The following NEGR1 variants were observed in gnomAD, a reference collection of about 807,000 sequenced individuals.
NEGR1 encodes the protein IgLON family member 4.
Under a neutral mutation model 40.9 loss-of-function variants are expected in NEGR1, and 10 were observed. The observed-to-expected ratio is 0.24, with a 90% CI of 0.15 to 0.42. NEGR1 has a LOEUF of 0.42. Among genes scored for constraint, NEGR1 ranks in the 10% least tolerant of loss-of-function variants. The probability of loss-of-function intolerance (pLI) is 1.00; values close to 1 mark genes in which losing one functional copy is unlikely to be tolerated. For missense variants in NEGR1, 352 were observed against 438.9 expected (o/e 0.80, Z 1.77); for synonymous variants, 185 against 166.8 (o/e 1.11, Z -0.84).
At chr1:71,817,020 C>A (rs541921003) in intron 2 of NEGR1, among the ~76,000 whole-genome samples, 1 of 151,922 alleles carries the variant, frequency 6.6e-6, no homozygotes, top group Non-Finnish European at 1.5e-5. Flanking sequence ...CTTTATTTGC[C>A]TCCACAGCAA....
intron 3 of NEGR1, among the ~76,000 whole-genome samples, chr1:71,710,974 T>C (rs1654061447): frequency 1.3e-5 from 2 of 152,058 alleles, no homozygotes; most frequent in African/African-American, 2.4e-5. Context: ...TGCATGTCTG[T>C]ATCAAAATAT....
chr1:71,834,086 G>A (rs1017357660), intron 2 of NEGR1, among the ~76,000 whole-genome samples: 1 of 152,088 alleles, frequency 6.6e-6, no homozygotes, highest in Non-Finnish European at 1.5e-5. Flanking sequence ...TTTTCACAAT[G>A]TTAACCAAAT....
chr1:71,942,493 T>A (rs1456513911), intron 1 of NEGR1, among the ~76,000 whole-genome samples: 235 of 22,680 alleles, frequency 0.01, no homozygotes, highest in African/African-American at 0.017. Context: ...ATTTTTTTTT[T>A]TTTTTTTTTT....
At chr1:72,027,004 C>A (rs963412322) in intron 1 of NEGR1, among the ~76,000 whole-genome samples, 3 of 152,094 alleles carry the variant, frequency 2.0e-5, no homozygotes, top group South Asian at 4.1e-4. Flanking sequence ...GGGCTCACTG[C>A]AAGCTCCACC....
chr1:72,019,828 T>A (rs915592992), intron 1 of NEGR1, among the ~76,000 whole-genome samples: 2 of 152,210 alleles, frequency 1.3e-5, no homozygotes, highest in South Asian at 4.1e-4. Flanking sequence ...TACTTCCTTT[T>A]TAAAGGCATT....
intron 2 of NEGR1, among the ~76,000 whole-genome samples, chr1:71,796,865 C>T (rs1404389378): frequency 1.3e-5 from 2 of 152,052 alleles, no homozygotes; most frequent in African/African-American, 4.8e-5. Flanking sequence ...GGAAGTTGGC[C>T]TGGAGTGCTC....
intron 1 of NEGR1, among the ~76,000 whole-genome samples, chr1:72,041,505 T>C (rs1646953941): frequency 6.6e-6 from 1 of 150,610 alleles, no homozygotes; most frequent in South Asian, 2.1e-4. Flanking sequence ...ATTGTTTGTG[T>C]ACTCAAGGAC....
intron 2 of NEGR1, among the ~76,000 whole-genome samples, chr1:71,824,864 C>T (rs1189327568): frequency 4.6e-5 from 7 of 151,918 alleles, no homozygotes; most frequent in Non-Finnish European, 1.0e-4. Context: ...TATAATAGTC[C>T]AATACCTGAA....
At chr1:71,498,233 A>C (rs529255630) in intron 6 of NEGR1, among the ~76,000 whole-genome samples, 75 of 151,726 alleles carry the variant, frequency 4.9e-4, no homozygotes, top group Non-Finnish European at 7.7e-4. Flanking sequence ...TAAAGTGATA[A>C]TATTGTAAAA....
intron 3 of NEGR1, among the ~76,000 whole-genome samples, chr1:71,768,797 G>A (rs992875125): frequency 2.6e-5 from 4 of 152,278 alleles, no homozygotes; most frequent in Non-Finnish European, 5.9e-5. Context: ...AGTGGGAAGT[G>A]ATTGGATCAA....
At chr1:71,670,663 C>A (rs10889924) in intron 4 of NEGR1, among the ~76,000 whole-genome samples, 87,241 of 151,846 alleles carry the variant, frequency 0.57, 25,140 homozygotes, top group African/African-American at 0.63. Context: ...GAGTCATGAA[C>A]ATGGTTGTGT....
chr1:72,160,611 C>A (rs1651521612), intron 1 of NEGR1, among the ~76,000 whole-genome samples: 1 of 152,052 alleles, frequency 6.6e-6, no homozygotes, highest in African/African-American at 2.4e-5. Context: ...ATTTCCAATA[C>A]TATATACATA....
At chr1:72,071,623 C>T (rs1647465050) in intron 1 of NEGR1, among the ~76,000 whole-genome samples, 1 of 152,102 alleles carries the variant, frequency 6.6e-6, no homozygotes, top group Admixed American at 6.6e-5. Flanking sequence ...TTATCATCCA[C>T]TCAAAAAAGA....
intron 3 of NEGR1, among the ~76,000 whole-genome samples, chr1:71,738,856 T>A: frequency 6.6e-6 from 1 of 152,292 alleles, no homozygotes. Context: ...CTGTTTTAAA[T>A]GTTTATACAT....
intron 6 of NEGR1, among the ~76,000 whole-genome samples, chr1:71,509,533 C>T (rs1647059193): frequency 6.6e-6 from 1 of 152,214 alleles, no homozygotes; most frequent in Admixed American, 6.5e-5. Flanking sequence ...AACTTCGTAA[C>T]TTGTTACCAT....
intron 2 of NEGR1, among the ~76,000 whole-genome samples, chr1:71,907,813 T>C (rs1661318869): frequency 6.6e-6 from 1 of 152,250 alleles, no homozygotes; most frequent in Non-Finnish European, 1.5e-5. Flanking sequence ...CATGGAATAC[T>C]ATGCAGCCAT....
chr1:71,984,386 A>G (rs1392995163), intron 1 of NEGR1, among the ~76,000 whole-genome samples: 5 of 152,260 alleles, frequency 3.3e-5, no homozygotes, highest in African/African-American at 7.2e-5. Flanking sequence ...CGGCCCCCCA[A>G]AGTGCTGGGA....
chr1:71,496,913 C>T (rs1426057509), intron 6 of NEGR1, among the ~76,000 whole-genome samples: 1 of 152,162 alleles, frequency 6.6e-6, no homozygotes, highest in African/African-American at 2.4e-5. Flanking sequence ...CCACTTGCAA[C>T]TTTCCTAACA....
chr1:72,279,937 A>G (rs1656185385), intron 1 of NEGR1, among the ~76,000 whole-genome samples: 1 of 152,246 alleles, frequency 6.6e-6, no homozygotes, highest in African/African-American at 2.4e-5. Context: ...AATTACTGTA[A>G]GCAAATTGCT....
Sources: gnomAD v4.1 joint callset for allele counts (sites outside exome capture counted in the v4.1 genomes callset) on GRCh38, gnomAD v4.1.1 for gene constraint, MANE v1.5 for transcripts, NCBI Gene and HGNC (gene_info 2026-07-23, HGNC 2026-07-21) for gene names.